Variants in USP34 observed in about 807,000 individuals in gnomAD.
The protein encoded by USP34 is ubiquitin carboxyl-terminal hydrolase 34.
Under a neutral mutation model 460.3 loss-of-function variants are expected in USP34, and 70 were observed. The ratio of observed to expected loss-of-function variants is 0.15; its 90% confidence interval spans 0.13 to 0.19. USP34 has a LOEUF of 0.19. Ranked by LOEUF, USP34 falls within the 10% of genes least tolerant of loss-of-function variation. USP34 has a pLI of 1.00. For missense variants in USP34, 3,985 were observed against 4,236.2 expected (o/e 0.94, Z 1.65); for synonymous variants, 1,647 against 1,405.3 (o/e 1.17, Z -3.85).
rs751789799 is a variant in USP34, at chr2:61,206,901, A to AAAAAATTGAAAAC, written c.8920-28_8920-16dup. The stretch of plus-strand genomic sequence containing the variant: ...GTGTTGAAAGACTACAAATGATTTG[A>AAAAAATTGAAAAC]AAAAATTGAAAACTTAATTTCATTT... On this transcript the variant is annotated splice_polypyrimidine_tract_variant and intron_variant, in intron 70 of 79. Coordinates refer to ENST00000398571, the MANE Select transcript of USP34 (RefSeq NM_014709.4). 4.3e-5 allele frequency: 69 copies of AAAAAATTGAAAAC among 1,606,664 alleles called. No homozygotes were observed. In the East Asian group the frequency reaches 1.5e-3, roughly 35 times the overall value.
At chr2:61,304,173 G>C (rs1018824411) in intron 27 of USP34, among the ~76,000 whole-genome samples, 3 of 152,138 alleles carry the variant, frequency 2.0e-5, no homozygotes, top group African/African-American at 7.2e-5. Context: ...TGGGATTACA[G>C]GCATGAGCTA....
Position 61,222,783 on chromosome 2 carries a change from A to G in USP34, c.7750-120T>C, listed in dbSNP as rs1687622875. On this transcript the variant is annotated intron_variant, in intron 64 of 79. Transcript: ENST00000398571. ...GAGATCACAGCTCACTGCAGCCTCC[A>G]CTTCTCAGGCTCAAGCGATCCTCCT... The G allele has an allele frequency of 4.4e-6, 4 of 914,776 alleles. No homozygotes were observed. The East Asian group carries it at 7.9e-5, about 18-fold the overall frequency. The allele number at this position is 914,776 out of a possible 1,614,324, so 56.7% of individuals were successfully genotyped here.
intron 35 of USP34, 127 bp from the exon 36 acceptor site, chr2:61,283,576 AG>A: frequency 6.7e-6 from 1 of 149,360 alleles, no homozygotes; most frequent in Non-Finnish European, 1.1e-5. Flanking sequence ...TGGGTGTGTG[AG>A]TGAGAGTGAG....
intron 75 of USP34, 147 bp from the exon 76 acceptor site, chr2:61,193,127 T>A: frequency 3.2e-6 from 2 of 623,646 alleles, no homozygotes; most frequent in Non-Finnish European, 5.5e-6. Flanking sequence ...AAAAATTCAT[T>A]CCAATGTTTA....
At chr2:61,382,413 T>C (rs1692999722) in intron 6 of USP34, among the ~76,000 whole-genome samples, 1 of 152,198 alleles carries the variant, frequency 6.6e-6, no homozygotes, top group African/African-American at 2.4e-5. Context: ...TACTGACATG[T>C]TCCTTCTACA....
At chr2:61,468,374 G>A (rs1427852604) in intron 1 of USP34, among the ~76,000 whole-genome samples, 1 of 152,126 alleles carries the variant, frequency 6.6e-6, no homozygotes, top group Non-Finnish European at 1.5e-5. Context: ...GTAGAGACGG[G>A]GTTTCTCCAT....
intron 25 of USP34, 92 bp downstream of exon 25, chr2:61,314,493 A>G (rs1330415688): frequency 1.2e-5 from 14 of 1,211,512 alleles, no homozygotes; most frequent in Non-Finnish European, 1.3e-5. Context: ...CTTGACCCCA[A>G]CAAAAACTTT....
intron 1 of USP34, among the ~76,000 whole-genome samples, chr2:61,435,800 G>T (rs527471772): frequency 6.6e-6 from 1 of 152,024 alleles, no homozygotes; most frequent in Non-Finnish European, 1.5e-5. Context: ...AGGCCACGAC[G>T]GGCAGATCAC....
chr2:61,227,408 A>G (rs1687757456), intron 61 of USP34, among the ~76,000 whole-genome samples, 190 bp from the exon 62 acceptor site: 1 of 152,186 alleles, frequency 6.6e-6, no homozygotes. Flanking sequence ...TTAAACTGCC[A>G]GAACTGTAAA....
At chr2:61,398,861 C>T (rs1449911862) in intron 3 of USP34, among the ~76,000 whole-genome samples, 5 of 152,078 alleles carry the variant, frequency 3.3e-5, no homozygotes, top group Non-Finnish European at 7.4e-5. Flanking sequence ...AGTGTTAAAC[C>T]TCCTAAATCC....
rs777520011 is a variant in USP34, at chr2:61,188,404, A to C, written c.10339T>G (p.Cys3447Gly). Residue 3447 changes from cysteine to glycine, a missense_variant, in exon 80 of 80, where the codon TGT (cysteine) becomes GGT (glycine). Physicochemically the swap from Cys to Gly is radical, Grantham distance 159. Coordinates refer to ENST00000398571, the MANE Select transcript of USP34 (RefSeq NM_014709.4). ...CAGTGGAGGTCTTTAAATTCTTTAC[A>C]ATCGTCATATCTACCATTGTTGGAC... ...EQSNNGRYDD[C>G]KEFKDLHCSK... The C allele has an allele frequency of 6.2e-7, 1 of 1,614,050 alleles. No individual in the cohort carries two copies. The highest frequency in any genetic ancestry group is 8.5e-7 in the Non-Finnish European group (1 of 1,180,040).
intron 74 of USP34, among the ~76,000 whole-genome samples, chr2:61,203,874 G>C (rs1687041444): frequency 6.6e-6 from 1 of 151,294 alleles, no homozygotes; most frequent in Non-Finnish European, 1.5e-5. Context: ...ATTATGCTTA[G>C]GTCAAAGGAA....
chr2:61,279,328 C>T (rs1183682544), intron 39 of USP34, among the ~76,000 whole-genome samples: 2 of 152,070 alleles, frequency 1.3e-5, no homozygotes, highest in Non-Finnish European at 1.5e-5. Context: ...TTAAGAAAAA[C>T]GTGTCCTAAA....
intron 3 of USP34, among the ~76,000 whole-genome samples, chr2:61,402,507 T>C (rs1299581711): frequency 6.6e-6 from 1 of 152,214 alleles, no homozygotes; most frequent in East Asian, 1.9e-4. Flanking sequence ...ACCCGGATTC[T>C]AGGACTCTTC....
intron 25 of USP34, among the ~76,000 whole-genome samples, chr2:61,312,163 G>A (rs987678989): frequency 3.3e-5 from 5 of 150,422 alleles, no homozygotes; most frequent in African/African-American, 4.9e-5. Context: ...ATCTCCTTAA[G>A]GCCAGTTTAT....
chr2:61,303,138 C>T lies in USP34; in HGVS notation c.3818-1684G>A, dbSNP rs544045173. On this transcript the variant is annotated intron_variant, in intron 27 of 79. Coordinates refer to ENST00000398571, the MANE Select transcript of USP34 (RefSeq NM_014709.4). ...CTGGAGTGCAGTGGCTCAATCTCAG[C>T]TCACTGCAACCTCCGCCTCCTGGGT... 2.4e-4 allele frequency among the ~76,000 whole-genome samples: 36 copies of T among 152,174 alleles called. No homozygotes were observed. In the Middle Eastern group the frequency reaches 0.01, roughly 43 times the overall value.
rs184301653 is a variant in USP34, at chr2:61,264,732, G to A, written c.5778+665C>T. The stretch of plus-strand genomic sequence containing the variant: ...AGTACAAAAGGCAAACTAAAAAATA[G>A]CCCATAGTTGGCCGGGCATGGTGGC... On this transcript the variant is annotated intron_variant, in intron 43 of 79. Coordinates refer to ENST00000398571, the MANE Select transcript of USP34 (RefSeq NM_014709.4). Among the ~76,000 whole-genome samples the A allele has an allele frequency of 7.2e-5, 11 of 152,098 alleles. No individual in the cohort carries two copies. In the East Asian group the frequency reaches 2.1e-3, roughly 29 times the overall value.
intron 72 of USP34, among the ~76,000 whole-genome samples, chr2:61,204,996 C>A (rs574326236): frequency 6.6e-6 from 1 of 151,884 alleles, no homozygotes; most frequent in African/African-American, 2.4e-5. Flanking sequence ...CTGAAACTAC[C>A]GGCATGCACC....
intron 5 of USP34, among the ~76,000 whole-genome samples, chr2:61,393,301 T>C (rs538969952): frequency 6.6e-6 from 1 of 151,580 alleles, no homozygotes; most frequent in African/African-American, 2.4e-5. Flanking sequence ...CATGGTGGCA[T>C]ACGCCTGTAG....
Sources: gnomAD v4.1 joint callset for allele counts (sites outside exome capture counted in the v4.1 genomes callset) on GRCh38, gnomAD v4.1.1 for gene constraint, MANE v1.5 for transcripts, NCBI Gene and HGNC (gene_info 2026-07-23, HGNC 2026-07-21) for gene names.